The following PTPRO variants were observed in gnomAD, a reference collection of about 807,000 sequenced individuals.
PTPRO encodes receptor-type tyrosine-protein phosphatase O.
Under a neutral mutation model 145.2 loss-of-function variants are expected in PTPRO, and 62 were observed. The observed-to-expected ratio is 0.43, with a 90% CI of 0.35 to 0.53. PTPRO has a LOEUF of 0.53. Among genes scored for constraint, PTPRO ranks in the 20% least tolerant of loss-of-function variants. The pLI is 0.01. For missense variants in PTPRO, 1,345 were observed against 1,482.7 expected (o/e 0.91, Z 1.53); for synonymous variants, 565 against 514.7 (o/e 1.10, Z -1.32).
intron 1 of PTPRO, among the ~76,000 whole-genome samples, chr12:15,469,838 T>A (rs1259452699): frequency 6.6e-6 from 1 of 150,488 alleles, no homozygotes; most frequent in Admixed American, 6.6e-5. Context: ...AGAAAACAGA[T>A]CACAAATTTT....
At chr12:15,525,940 A>T (rs1393697254) in intron 11 of PTPRO, among the ~76,000 whole-genome samples, 1 of 152,228 alleles carries the variant, frequency 6.6e-6, no homozygotes, top group African/African-American at 2.4e-5. Context: ...TATATAATGC[A>T]TTATTAAGGC....
At position 15,386,925 on chromosome 12, in the gene PTPRO, G is replaced by T. The variant is rs540539953; in HGVS notation, c.75+64124G>T. Among the ~76,000 whole-genome samples, 34 of 152,216 alleles carry T rather than the reference G, an allele frequency of 2.2e-4. No individual in the cohort carries two copies. The South Asian group carries it at 6.6e-3, about 30-fold the overall frequency. Reference sequence around the variant, plus strand: ...CAAAACTGCTTGCAGAAATAGCTATGCCTTCTTTGCCATTTATTTTAGGTC... The same window carrying T: ...CAAAACTGCTTGCAGAAATAGCTATTCCTTCTTTGCCATTTATTTTAGGTC... On this transcript the variant is annotated intron_variant, in intron 1 of 26. Transcript: ENST00000281171.
Position 15,360,807 on chromosome 12 carries a change from T to C in PTPRO, c.75+38006T>C, listed in dbSNP as rs1463528289. On this transcript the variant is annotated intron_variant, in intron 1 of 26. Coordinates refer to ENST00000281171, the MANE Select transcript of PTPRO (RefSeq NM_030667.3). ...ATATGTGTGTATATGTGTGTATATATACGTGTGTATATATGTGTGTGTATA... is the reference window on the plus strand; with the variant it reads ...ATATGTGTGTATATGTGTGTATATACACGTGTGTATATATGTGTGTGTATA... Among the ~76,000 whole-genome samples the C allele has an allele frequency of 3.7e-3, 536 of 144,016 alleles. 6 individuals carry two copies. Among genetic ancestry groups the C allele is most frequent in the Non-Finnish European group, 6.5e-3 (418 of 64,218 alleles). The allele number at this position is 144,016 out of a possible 152,430, so 94.5% of individuals were successfully genotyped here.
chr12:15,538,370 G>A (rs1442896958), intron 12 of PTPRO, among the ~76,000 whole-genome samples: 15 of 152,010 alleles, frequency 9.9e-5, no homozygotes, highest in Non-Finnish European at 1.6e-4. Context: ...GATTACAGGT[G>A]CGCACCACCA....
chr12:15,442,186 C>T (rs1037157263), intron 1 of PTPRO, among the ~76,000 whole-genome samples: 5 of 152,074 alleles, frequency 3.3e-5, no homozygotes, highest in Non-Finnish European at 7.4e-5. Flanking sequence ...GAATGCAAGG[C>T]TGATTCAATG....
At chr12:15,431,865 T>G (rs1940449434) in intron 1 of PTPRO, among the ~76,000 whole-genome samples, 1 of 152,236 alleles carries the variant, frequency 6.6e-6, no homozygotes, top group African/African-American at 2.4e-5. Flanking sequence ...ATGTCTAGTC[T>G]CATACCATAT....
intron 19 of PTPRO, 59 bp downstream of exon 19, chr12:15,569,557 G>C: frequency 6.8e-7 from 1 of 1,464,826 alleles, no homozygotes; most frequent in Non-Finnish European, 9.6e-7. Flanking sequence ...GAATTGGGGG[G>C]TTTGTGTTGC....
At chr12:15,478,816 T>C (rs889020803) in intron 1 of PTPRO, among the ~76,000 whole-genome samples, 1 of 151,826 alleles carries the variant, frequency 6.6e-6, no homozygotes, top group African/African-American at 2.4e-5. Context: ...GGACTACAGG[T>C]GCCCGCCACC....
At chr12:15,565,309 A>C (rs1943869469) in intron 17 of PTPRO, 2 of 289,794 alleles carry the variant, frequency 6.9e-6, no homozygotes, top group African/African-American at 4.4e-5. Context: ...TTAGCAACTT[A>C]ATCAACAGCA....
intron 19 of PTPRO, among the ~76,000 whole-genome samples, chr12:15,575,341 C>T (rs916561440): frequency 2.6e-5 from 4 of 152,192 alleles, no homozygotes. Flanking sequence ...TGGTGAACTT[C>T]CCGAGGCTCC....
At position 15,499,522 on chromosome 12, in the gene PTPRO, G is replaced by C; in HGVS notation, c.589G>C (p.Glu197Gln). The change falls in exon 4 of 27, where the codon GAG (glutamate) becomes CAG (glutamine). Residue 197 changes from glutamate to glutamine, a missense_variant. Transcript: ENST00000281171. ...TAATATCACCTTTCAGCTGGTATCT[G>C]AGGCAACTTTTAATAAAAGTACCCT... ...YSNITFQLVSEATFNKSTLVE... is the reference protein window; with the variant it reads ...YSNITFQLVSQATFNKSTLVE... The C allele has an allele frequency of 6.2e-7, 1 of 1,613,774 alleles. No individual in the cohort carries two copies. Among genetic ancestry groups the C allele is most frequent in the Non-Finnish European group, 8.5e-7 (1 of 1,179,770 alleles).
chr12:15,481,520 A>G (rs1055713641), intron 1 of PTPRO, among the ~76,000 whole-genome samples: 12 of 152,198 alleles, frequency 7.9e-5, no homozygotes, highest in Non-Finnish European at 7.3e-5. Flanking sequence ...TTCATTCTCA[A>G]TGCCTATCTC....
rs1942143102 is a variant in PTPRO at position 15,498,041 on chromosome 12, C to T, written c.508+638C>T. ...ATTCAGTTTCATTTGGGAGTGAATCCTAGTGAAGGAACTTGAATACGCTCA... is the reference window on the plus strand; with the variant it reads ...ATTCAGTTTCATTTGGGAGTGAATCTTAGTGAAGGAACTTGAATACGCTCA... On this transcript the variant is annotated intron_variant, in intron 3 of 26. Transcript: ENST00000281171. Among the ~76,000 whole-genome samples the T allele has an allele frequency of 2.1e-5, 3 of 142,744 alleles. 1 individual carries two copies. Among genetic ancestry groups the T allele is most frequent in the South Asian group, 4.4e-4 (2 of 4,592 alleles). The allele number at this position is 142,744 out of a possible 152,430, so 93.6% of individuals were successfully genotyped here.
At chr12:15,406,648 A>G (rs1939655722) in intron 1 of PTPRO, among the ~76,000 whole-genome samples, 1 of 152,214 alleles carries the variant, frequency 6.6e-6, no homozygotes, top group Non-Finnish European at 1.5e-5. Context: ...TACAATTATG[A>G]CTTTCTTCTC....
intron 1 of PTPRO, among the ~76,000 whole-genome samples, chr12:15,481,272 A>G (rs1233488839): frequency 6.6e-6 from 1 of 152,192 alleles, no homozygotes; most frequent in Non-Finnish European, 1.5e-5. Flanking sequence ...TCAATGTTAG[A>G]AACCTGCCCA....
intron 1 of PTPRO, among the ~76,000 whole-genome samples, chr12:15,365,994 A>G (rs1286682686): frequency 6.6e-6 from 1 of 152,226 alleles, no homozygotes; most frequent in Admixed American, 6.5e-5. Flanking sequence ...AGAGTGTAGA[A>G]TATCACAATT....
chr12:15,355,412 C>T (rs778312696), intron 1 of PTPRO, among the ~76,000 whole-genome samples: 19 of 152,112 alleles, frequency 1.2e-4, no homozygotes, highest in Admixed American at 2.0e-4. Context: ...GCAAATTTTC[C>T]CTCTCTACAC....
At chr12:15,454,758 G>A (rs575658742) in intron 1 of PTPRO, among the ~76,000 whole-genome samples, 15 of 152,122 alleles carry the variant, frequency 9.9e-5, no homozygotes, top group Non-Finnish European at 2.2e-4. Flanking sequence ...TAATTTTTAT[G>A]TAGGGAAAGA....
chr12:15,416,333 T>TC (rs1243860071), intron 1 of PTPRO, among the ~76,000 whole-genome samples: 2 of 150,638 alleles, frequency 1.3e-5, no homozygotes, highest in Non-Finnish European at 2.9e-5. Context: ...TTCTTTTTTT[T>TC]TTTTGAGACA....
Sources: gnomAD v4.1 joint callset for allele counts (sites outside exome capture counted in the v4.1 genomes callset) on GRCh38, gnomAD v4.1.1 for gene constraint, MANE v1.5 for transcripts, NCBI Gene and HGNC (gene_info 2026-07-23, HGNC 2026-07-21) for gene names.